RAD54L2: variants seen among roughly 807,000 people sequenced by gnomAD.
RAD54L2 encodes the protein RAD54 like 2, also known as helicase ARIP4.
Under a neutral mutation model 138.4 loss-of-function variants are expected in RAD54L2, and 27 were observed. The observed-to-expected ratio is 0.20, with a 90% confidence interval of 0.14 to 0.27. The LOEUF is 0.27. RAD54L2 is among the 10% of genes least tolerant of loss of function. The pLI is 1.00. For synonymous variants in RAD54L2, 644 were observed against 723.2 expected, an observed-to-expected ratio of 0.89 and a Z score of 1.76; for missense variants, 1,396 against 1,890.2, an observed-to-expected ratio of 0.74 and a Z score of 4.85.
Position 51,638,270 on chromosome 3 carries a change from C to T in RAD54L2, c.1809C>T (p.Ser603=). 6.2e-7 allele frequency: 1 copy of T among 1,613,994 alleles called. No individual in the cohort carries two copies. Residue 603 remains serine (S), a synonymous_variant, in exon 12 of 23, where the codon AGC becomes AGT. Transcript: ENST00000684192. This position sits in a 1 kb window ranked among gnomAD's most constrained non-coding sequence, Gnocchi z 4.3. ...QFMDRFRDCG[S]SGWLGLNPLK... ...TGGATCGCTTCCGGGACTGTGGTAG[C>T]AGCGGTTGGCTGGGGCTGAACCCCC...
chr3:51,549,450 A>G (rs1360932798), intron 2 of RAD54L2, among the ~76,000 whole-genome samples: 2 of 152,124 alleles, frequency 1.3e-5, no homozygotes, highest in African/African-American at 4.8e-5. Context: ...CTTTCTCCTA[A>G]TGTATATTGT....
chr3:51,599,070 C>T (rs1462310501), intron 3 of RAD54L2, among the ~76,000 whole-genome samples: 3 of 152,134 alleles, frequency 2.0e-5, no homozygotes, highest in Admixed American at 2.0e-4. Flanking sequence ...CTGACACTAT[C>T]TGACATAATT....
At chr3:51,595,914 T>C (rs1373237856) in intron 3 of RAD54L2, among the ~76,000 whole-genome samples, 1 of 149,870 alleles carries the variant, frequency 6.7e-6, no homozygotes, top group Non-Finnish European at 1.5e-5. Context: ...ATAGTTTTTC[T>C]TTCTTTCATT....
rs779672827 is a variant in RAD54L2, at chr3:51,633,728, C to T, written c.977C>T (p.Thr326Met). Residue 326 changes from threonine to methionine, a missense_variant, in exon 8 of 23, where the codon ACG (threonine) becomes ATG (methionine). Coordinates refer to ENST00000684192, the MANE Select transcript of RAD54L2 (RefSeq NM_015106.4). ...TTCATCGACGTCCTCTTCCGCCACA[C>T]GCCAGCCAAAACAGTCCTTGCCATT... ...ISFIDVLFRH[T>M]PAKTVLAIVP... 8.7e-6 allele frequency: 14 copies of T among 1,613,930 alleles called. No homozygotes were observed. Among genetic ancestry groups the T allele is most frequent in the African/African-American group, 4.0e-5 (3 of 75,036 alleles).
At chr3:51,631,009 C>T (rs1384524658) in intron 7 of RAD54L2, 78 bp downstream of exon 7, 6 of 1,389,490 alleles carry the variant, frequency 4.3e-6, no homozygotes, top group African/African-American at 1.4e-5. Flanking sequence ...TGGTTATTAG[C>T]GTCACAGCCT....
chr3:51,591,914 C>T (rs1253129003), intron 3 of RAD54L2, among the ~76,000 whole-genome samples: 2 of 152,034 alleles, frequency 1.3e-5, no homozygotes, highest in Admixed American at 6.6e-5. Flanking sequence ...ATTCTCTTTT[C>T]CCTTTTCCTT....
At position 51,663,438 on chromosome 3, in the gene RAD54L2, A is replaced by C. The variant is rs758284252; in HGVS notation, c.*18A>C. ...GGAAATAGCTAGGGAGCCCCTCCCCACCTCACTTGGGGCCCCCAGCAGGTT... is the reference window on the plus strand; with the variant it reads ...GGAAATAGCTAGGGAGCCCCTCCCCCCCTCACTTGGGGCCCCCAGCAGGTT... On this transcript the variant is annotated 3_prime_UTR_variant, in exon 23 of 23. Coordinates refer to ENST00000684192, the MANE Select transcript of RAD54L2 (RefSeq NM_015106.4). 1.6e-5 allele frequency: 25 copies of C among 1,600,606 alleles called. No homozygotes were observed. In the East Asian group the frequency reaches 5.6e-4, roughly 36 times the overall value.
intron 2 of RAD54L2, among the ~76,000 whole-genome samples, chr3:51,571,942 TCCCCAGAGAATAGGAGTATTAGTTTA>T (rs1454753590): frequency 6.6e-6 from 1 of 152,184 alleles, no homozygotes; most frequent in Non-Finnish European, 1.5e-5. Context: ...CATATACTTT[TCCCCAGAGAATAGGAGTATTAGTTTA>T]AAAGAAGCCT....
chr3:51,553,062 A>T (rs1698877325), intron 2 of RAD54L2, among the ~76,000 whole-genome samples: 1 of 151,790 alleles, frequency 6.6e-6, no homozygotes, highest in Non-Finnish European at 1.5e-5. Context: ...AGGAATTTTT[A>T]CTTTGTGTGT....
At chr3:51,556,301 G>A (rs1698962085) in intron 2 of RAD54L2, among the ~76,000 whole-genome samples, 1 of 151,958 alleles carries the variant, frequency 6.6e-6, no homozygotes, top group African/African-American at 2.4e-5. Context: ...TTTGAGACAG[G>A]GTTTTGCTCT....
chr3:51,651,204 T>C (rs1358372517), intron 19 of RAD54L2, among the ~76,000 whole-genome samples: 6 of 152,222 alleles, frequency 3.9e-5, no homozygotes, highest in Admixed American at 3.9e-4. Context: ...GATAAATTCC[T>C]GCACCCATAT....
At position 51,663,594 on chromosome 3, in the gene RAD54L2, CAAAAAAAA is replaced by C. The variant is rs34235841; in HGVS notation, c.*191_*198del. 8.4e-4 allele frequency: 46 copies of C among 54,814 alleles called. No homozygotes were observed. Among genetic ancestry groups the C allele is most frequent in the Non-Finnish European group, 8.5e-4 (26 of 30,544 alleles). The allele number at this position is 54,814 out of a possible 1,614,324, so 3.4% of individuals were successfully genotyped here. On this transcript the variant is annotated 3_prime_UTR_variant, in exon 23 of 23. Coordinates refer to ENST00000684192, the MANE Select transcript of RAD54L2 (RefSeq NM_015106.4). ...CTCTGTTGCTGTTTAACAAAAGAGG[CAAAAAAAA>C]AAAAAAAAAAAAAAAAGTCCAACAC...
At chr3:51,563,171 T>G (rs13433728) in intron 2 of RAD54L2, among the ~76,000 whole-genome samples, 6,725 of 152,122 alleles carry the variant, frequency 0.044, 483 homozygotes, top group African/African-American at 0.15. Flanking sequence ...CTCTCTAGAA[T>G]TAGACATTCC....
intron 3 of RAD54L2, among the ~76,000 whole-genome samples, chr3:51,598,171 G>GTA (rs1211624309): frequency 6.9e-6 from 1 of 144,942 alleles, no homozygotes; most frequent in East Asian, 2.0e-4. Flanking sequence ...GTGTGTGTGT[G>GTA]TGTGTGTATA....
chr3:51,654,795 G>T (rs1701555003), intron 19 of RAD54L2, among the ~76,000 whole-genome samples: 2 of 152,160 alleles, frequency 1.3e-5, no homozygotes, highest in South Asian at 4.1e-4. Flanking sequence ...TGGCCCTGTG[G>T]GGGCACCAAC....
At chr3:51,561,520 T>C (rs950076236) in intron 2 of RAD54L2, among the ~76,000 whole-genome samples, 2 of 151,864 alleles carry the variant, frequency 1.3e-5, no homozygotes, top group Non-Finnish European at 2.9e-5. Context: ...GCTGGGATTA[T>C]AGGCGTGAGC....
intron 3 of RAD54L2, among the ~76,000 whole-genome samples, chr3:51,603,774 C>T (rs1184551841): frequency 3.3e-5 from 5 of 152,092 alleles, no homozygotes; most frequent in Admixed American, 6.6e-5. Context: ...GTACTCCCAC[C>T]TCAGCCTTCC....
chr3:51,543,766 G>T (rs76064354), intron 2 of RAD54L2, among the ~76,000 whole-genome samples: 1 of 151,848 alleles, frequency 6.6e-6, no homozygotes, highest in Non-Finnish European at 1.5e-5. Flanking sequence ...ACTCTGGCAC[G>T]TGAGGCTCAG....
chr3:51,541,485 T>C (rs1206712874), intron 1 of RAD54L2, 104 bp from the exon 2 acceptor site: 1 of 152,192 alleles, frequency 6.6e-6, no homozygotes, highest in Admixed American at 6.5e-5. Flanking sequence ...TTACAAATAC[T>C]ATATGTGTTC....
Sources: gnomAD v4.1 joint callset for allele counts (sites outside exome capture counted in the v4.1 genomes callset) on GRCh38, gnomAD v4.1.1 for gene constraint, Gnocchi (gnomAD v3.1) non-coding constraint, MANE v1.5 for transcripts, NCBI Gene and HGNC (gene_info 2026-07-23, HGNC 2026-07-21) for gene names.